CYLD: variants seen among roughly 807,000 people sequenced by gnomAD.
CYLD encodes the protein ubiquitin carboxyl-terminal hydrolase CYLD.
Under a neutral mutation model 104.5 loss-of-function variants are expected in CYLD, and 26 were observed. The observed-to-expected ratio is 0.25, with a 90% CI of 0.18 to 0.35. CYLD has a LOEUF of 0.35. Ranked by LOEUF, CYLD falls within the 10% of genes least tolerant of loss-of-function variation. The pLI is 1.00. For synonymous variants in CYLD, 385 were observed against 399.9 expected, an observed-to-expected ratio of 0.96 and a Z score of 0.45; for missense variants, 703 against 1,136.1, an observed-to-expected ratio of 0.62 and a Z score of 5.48.
chr16:50,754,962 TAC>T (rs571540083), intron 5 of CYLD, among the ~76,000 whole-genome samples: 19 of 145,124 alleles, frequency 1.3e-4, no homozygotes, highest in East Asian at 4.0e-4. Flanking sequence ...TATATACATA[TAC>T]ACACATATAT....
At chr16:50,745,326 G>A (rs1347179026) in intron 2 of CYLD, among the ~76,000 whole-genome samples, 1 of 147,962 alleles carries the variant, frequency 6.8e-6, no homozygotes, top group East Asian at 2.0e-4. Flanking sequence ...GATTGATGTT[G>A]GGTTTTTTTT....
chr16:50,761,952 G>C (rs60489099), intron 5 of CYLD, among the ~76,000 whole-genome samples: 3,949 of 152,226 alleles, frequency 0.026, 148 homozygotes, highest in African/African-American at 0.081. Flanking sequence ...CACGTGTAGC[G>C]TGGTATATTT....
intron 14 of CYLD, among the ~76,000 whole-genome samples, chr16:50,789,776 G>T (rs1159577414): frequency 6.6e-6 from 1 of 152,076 alleles, no homozygotes; most frequent in Non-Finnish European, 1.5e-5. Flanking sequence ...GAGACTATAA[G>T]ATGTTCTTAA....
At position 50,777,763 on chromosome 16, in the gene CYLD, A is replaced by T. The variant is rs1597046104; in HGVS notation, c.1022-62A>T. On this transcript the variant is annotated intron_variant, in intron 7 of 18. Transcript: ENST00000427738. The stretch of plus-strand genomic sequence containing the variant: ...CATATTCATAATAATTTCTCTTACT[A>T]AAAAAAAACTTTGATGCTATATTGA... The T allele has an allele frequency of 3.6e-6, 3 of 832,098 alleles. No homozygotes were observed. In the South Asian group the frequency reaches 4.3e-5, roughly 12 times the overall value. The allele number at this position is 832,098 out of a possible 1,614,324, so 51.5% of individuals were successfully genotyped here.
chr16:50,796,793 A>G lies in CYLD; in HGVS notation c.*285A>G, dbSNP rs1409401562. Reference sequence around the variant, plus strand: ...TTAAGTTAAGTGCATTGATCATATGATATTTTTGGAAGCATACAATTTTAA... The same window carrying G: ...TTAAGTTAAGTGCATTGATCATATGGTATTTTTGGAAGCATACAATTTTAA... On this transcript the variant is annotated 3_prime_UTR_variant, in exon 19 of 19. Transcript: ENST00000427738. 27 of 420,752 alleles carry G rather than the reference A, an allele frequency of 6.4e-5. No homozygotes were observed. In the East Asian group the frequency reaches 1.1e-3, roughly 17 times the overall value. The allele number at this position is 420,752 out of a possible 1,614,324, so 26.1% of individuals were successfully genotyped here. A position where few individuals can be genotyped will look rare whatever the true frequency, so the allele number is the denominator to read the frequency against.
chr16:50,758,920 G>T (rs1481801205), intron 5 of CYLD, among the ~76,000 whole-genome samples: 2 of 152,090 alleles, frequency 1.3e-5, no homozygotes, highest in Admixed American at 1.3e-4. Context: ...TTAAAAATGG[G>T]CAATGTGCTC....
At position 50,798,383 on chromosome 16, in the gene CYLD, C is replaced by T. The variant is rs1266934923; in HGVS notation, c.*1875C>T. On this transcript the variant is annotated 3_prime_UTR_variant, in exon 19 of 19. Coordinates refer to ENST00000427738, the MANE Select transcript of CYLD (RefSeq NM_001378743.1). Reference sequence around the variant, plus strand: ...TTTTTTCTTGTCATTATTCTCTGAACAATACAAGAACTCTTTATGTAGCAT... The same window carrying T: ...TTTTTTCTTGTCATTATTCTCTGAATAATACAAGAACTCTTTATGTAGCAT... 2 of 231,528 alleles carry T rather than the reference C, an allele frequency of 8.6e-6. No homozygotes were observed. The highest frequency in any genetic ancestry group is 1.7e-5 in the Non-Finnish European group (2 of 117,246). The allele number at this position is 231,528 out of a possible 1,614,324, so 14.3% of individuals were successfully genotyped here.
intron 8 of CYLD, among the ~76,000 whole-genome samples, chr16:50,778,687 C>T (rs1225671577): frequency 1.3e-5 from 2 of 152,078 alleles, no homozygotes; most frequent in Non-Finnish European, 2.9e-5. Flanking sequence ...TTGCCAGGGA[C>T]TAGAACACAG....
intron 13 of CYLD, 167 bp downstream of exon 13, chr16:50,787,113 T>C: frequency 1.5e-6 from 1 of 646,094 alleles, no homozygotes; most frequent in Non-Finnish European, 2.8e-6. Flanking sequence ...TCTTCCTCTC[T>C]TCTAAAAGTG....
At chr16:50,748,212 T>G (rs915540250) in intron 2 of CYLD, among the ~76,000 whole-genome samples, 2 of 152,210 alleles carry the variant, frequency 1.3e-5, no homozygotes, top group Non-Finnish European at 2.9e-5. Flanking sequence ...GGAAACCAGA[T>G]AGCCACATTC....
intron 8 of CYLD, among the ~76,000 whole-genome samples, chr16:50,778,866 G>A (rs1302647123): frequency 6.6e-6 from 1 of 152,114 alleles, no homozygotes; most frequent in Admixed American, 6.5e-5. Context: ...TAAAAATATG[G>A]ATAACCAATT....
intron 13 of CYLD, 78 bp from the exon 14 acceptor site, chr16:50,787,708 T>G (rs1597075311): frequency 1.3e-6 from 1 of 765,080 alleles, no homozygotes; most frequent in Non-Finnish European, 2.2e-6. Context: ...AGTATTAAAA[T>G]TTGACTGTTA....
intron 1 of CYLD, 171 bp downstream of exon 1, chr16:50,742,295 G>T (rs1385112029): frequency 6.6e-6 from 1 of 150,970 alleles, no homozygotes; most frequent in Admixed American, 6.6e-5. Context: ...CAGGGCGTCC[G>T]GAGCCGCCGC....
chr16:50,745,362 G>GTTTTTTTTTT (rs535675323), intron 2 of CYLD, among the ~76,000 whole-genome samples: 5 of 78,754 alleles, frequency 6.3e-5, no homozygotes, highest in Non-Finnish European at 7.0e-5. Context: ...TTTCCTCTTT[G>GTTTTTTTTTT]TTTTTTTTTT....
rs1270710930 is a variant in CYLD, at chr16:50,742,764, TC to T, written c.-196del. 7.5e-6 allele frequency: 3 copies of T among 398,508 alleles called. No individual in the cohort carries two copies. The highest frequency in any genetic ancestry group is 6.2e-5 in the African/African-American group (3 of 48,544). 24.7% of individuals were successfully genotyped at this position (398,508 alleles called of 1,614,324 possible). ...GCGTGTTCTGCTTTTTCTTTCAGTT[TC>T]CCCCTTTCTAGGGTGAGGATGGTTC... On this transcript the variant is annotated 5_prime_UTR_variant, in exon 2 of 19. Coordinates refer to ENST00000427738, the MANE Select transcript of CYLD (RefSeq NM_001378743.1).
chr16:50,780,928 TCTC>T (rs1222004115), intron 9 of CYLD, among the ~76,000 whole-genome samples: 3 of 152,096 alleles, frequency 2.0e-5, no homozygotes, highest in African/African-American at 7.2e-5. Flanking sequence ...TAAATAGCCT[TCTC>T]CTTCCCTGCC....
rs747968461 is a variant in CYLD, at chr16:50,779,775, C to T, written c.1249C>T (p.His417Tyr). The T allele has an allele frequency of 5.6e-6, 9 of 1,613,910 alleles. No individual in the cohort carries two copies. Among genetic ancestry groups the T allele is most frequent in the Non-Finnish European group, 5.1e-6 (6 of 1,179,972 alleles). ...CTCACTGACCACCGAGAACAGATTC[C>T]ACTCTTTACCATTCAGTCTCACCAA... ...VNSLTTENRF[H>Y]SLPFSLTKMP... The change falls in exon 9 of 19, where the codon CAC becomes TAC. Residue 417 changes from histidine (H) to tyrosine (Y), a missense_variant. Physicochemically the swap from His to Tyr is moderately conservative, Grantham distance 83. Around this residue, in one of 5 missense-constraint regions of CYLD, gnomAD observed 183 missense variants for 212.1 expected, o/e 0.86. Coordinates refer to ENST00000427738, the MANE Select transcript of CYLD (RefSeq NM_001378743.1).
At chr16:50,747,569 T>C (rs1216230743) in intron 2 of CYLD, among the ~76,000 whole-genome samples, 1 of 152,214 alleles carries the variant, frequency 6.6e-6, no homozygotes, top group Non-Finnish European at 1.5e-5. Flanking sequence ...AAAAGCATTT[T>C]GGTCAAAAAG....
At chr16:50,755,033 GTATA>G (rs1217703557) in intron 5 of CYLD, among the ~76,000 whole-genome samples, 28 of 15,778 alleles carry the variant, frequency 1.8e-3, no homozygotes, top group Non-Finnish European at 2.0e-3. Flanking sequence ...ACATATATAT[GTATA>G]TATACATATA....
Sources: allele counts gnomAD v4.1 joint callset (sites outside exome capture counted in the v4.1 genomes callset), GRCh38; gene constraint gnomAD v4.1.1; regional missense constraint gnomAD v4.1.1; transcripts MANE v1.5; gene names NCBI Gene and HGNC (gene_info 2026-07-23, HGNC 2026-07-21).